The following HIVEP2 variants were observed in gnomAD, a reference collection of about 807,000 sequenced individuals.
HIVEP2 encodes HIVEP zinc finger 2, also known as transcription factor HIVEP2.
A neutral mutation model predicts 180.7 loss-of-function variants in HIVEP2; 14 were observed. The ratio of observed to expected loss-of-function variants is 0.08; its 90% CI spans 0.05 to 0.12. The LOEUF (loss-of-function observed/expected upper bound fraction) is 0.12. Ranked by LOEUF, HIVEP2 falls within the 10% of genes least tolerant of loss-of-function variation. The probability of loss-of-function intolerance (pLI) is 1.00; values close to 1 mark genes in which losing one functional copy is unlikely to be tolerated. For synonymous variants in HIVEP2, 1,184 were observed against 1,136.4 expected, an observed-to-expected ratio of 1.04 and a Z score of -0.84; for missense variants, 2,579 against 3,008.5, an observed-to-expected ratio of 0.86 and a Z score of 3.34.
chr6:142,888,107 T>C (rs1375943624), intron 1 of HIVEP2, among the ~76,000 whole-genome samples: 1 of 152,258 alleles, frequency 6.6e-6, no homozygotes, highest in Non-Finnish European at 1.5e-5. Context: ...ACATCCCTAG[T>C]TCACTATCCT....
At chr6:142,890,774 T>A (rs1776838124) in intron 1 of HIVEP2, among the ~76,000 whole-genome samples, 1 of 152,210 alleles carries the variant, frequency 6.6e-6, no homozygotes, top group Non-Finnish European at 1.5e-5. Context: ...AAAAAACACT[T>A]AAATCTCTAT....
intron 1 of HIVEP2, among the ~76,000 whole-genome samples, chr6:142,922,127 G>A (rs972529900): frequency 6.6e-5 from 10 of 151,958 alleles, no homozygotes; most frequent in Non-Finnish European, 7.4e-5. Flanking sequence ...TCTCCCACTT[G>A]TCCTTTAAAC....
At chr6:142,884,628 A>G (rs980154029) in intron 1 of HIVEP2, among the ~76,000 whole-genome samples, 3 of 152,172 alleles carry the variant, frequency 2.0e-5, no homozygotes, top group African/African-American at 7.2e-5. Context: ...CAAACAAAGT[A>G]GCATAGGGTA....
At position 142,773,823 on chromosome 6, in the gene HIVEP2, C is replaced by T. The variant is rs766319052; in HGVS notation, c.916G>A (p.Ala306Thr). Reference sequence around the variant, plus strand: ...GACCCATGATAGCCGCCTCTGCTGGCAATGTCCAGTGGGATGGGTGGACCA... The same window carrying T: ...GACCCATGATAGCCGCCTCTGCTGGTAATGTCCAGTGGGATGGGTGGACCA... The part of the protein sequence containing the change: ...SPGPPIPLDI[A>T]SRGGYHGSLE... The change falls in exon 5 of 10, where the codon GCC becomes ACC. Residue 306 changes from alanine to threonine, a missense_variant. Around this residue, in one of 11 missense-constraint regions of HIVEP2, gnomAD observed 142 missense variants for 135.2 expected, o/e 1.05. Coordinates refer to ENST00000367603, the MANE Select transcript of HIVEP2 (RefSeq NM_006734.4). 11 of 1,613,808 alleles carry T rather than the reference C, an allele frequency of 6.8e-6. No individual in the cohort carries two copies. Among genetic ancestry groups the T allele is most frequent in the Middle Eastern group, 1.6e-4 (1 of 6,062 alleles).
Position 142,819,187 on chromosome 6 carries a change from T to C in HIVEP2, c.-528+17748A>G, listed in dbSNP as rs1001218480. On this transcript the variant is annotated intron_variant, in intron 2 of 9. Coordinates refer to ENST00000367603, the MANE Select transcript of HIVEP2 (RefSeq NM_006734.4). The stretch of plus-strand genomic sequence containing the variant: ...ATGCAATGAGCTATGATCACTCCAC[T>C]GCTCTTCAGGCTGGGCAACAGAGTG... Among the ~76,000 whole-genome samples, 8 of 152,180 alleles carry C rather than the reference T, an allele frequency of 5.3e-5. No individual in the cohort carries two copies. The East Asian group carries it at 1.5e-3, about 29-fold the overall frequency.
chr6:142,944,391 C>A (rs1387579077), intron 1 of HIVEP2, among the ~76,000 whole-genome samples: 1 of 146,682 alleles, frequency 6.8e-6, no homozygotes, highest in African/African-American at 2.7e-5. Flanking sequence ...ACGACAGACC[C>A]CACACATGCA....
intron 2 of HIVEP2, among the ~76,000 whole-genome samples, chr6:142,818,087 T>C (rs1160048244): frequency 1.3e-5 from 2 of 152,106 alleles, no homozygotes; most frequent in African/African-American, 4.8e-5. Flanking sequence ...CATGTATTAT[T>C]TGCCAGACAC....
chr6:142,752,970 T>A lies in HIVEP2; in HGVS notation c.*137A>T. On this transcript the variant is annotated 3_prime_UTR_variant, in exon 10 of 10. Coordinates refer to ENST00000367603, the MANE Select transcript of HIVEP2 (RefSeq NM_006734.4). ...TTGTTAATTTACCTAATTCTTTTGATATAACAAAAGTATATATAATAGCAA... is the reference window on the plus strand; with the variant it reads ...TTGTTAATTTACCTAATTCTTTTGAAATAACAAAAGTATATATAATAGCAA... 1.6e-6 allele frequency: 1 copy of A among 622,788 alleles called. No homozygotes were observed. The highest frequency in any genetic ancestry group is 2.8e-6 in the Non-Finnish European group (1 of 352,188). 38.6% of individuals were successfully genotyped at this position (622,788 alleles called of 1,614,324 possible).
rs371220575 is a variant in HIVEP2 at position 142,772,161 on chromosome 6, C to A, written c.2578G>T (p.Gly860Trp). ...TGCTGAGATGGAGAGGGTTTCCCCC[C>A]ACTTTCTGCACCATCCCCAGGTGGA... ...WAPPGDGAES[G>W]GKPSPSQQVQ... The change falls in exon 5 of 10, where the codon GGG becomes TGG. Residue 860 changes from glycine to tryptophan, a missense_variant. Coordinates refer to ENST00000367603, the MANE Select transcript of HIVEP2 (RefSeq NM_006734.4). The surrounding 1 kb of genome is among the most constrained non-coding windows in gnomAD (Gnocchi z 4.9). 23 of 1,614,080 alleles carry A rather than the reference C, an allele frequency of 1.4e-5. No individual in the cohort carries two copies. The East Asian group carries it at 3.6e-4, about 25-fold the overall frequency.
chr6:142,865,274 T>C (rs1776110517), intron 1 of HIVEP2, among the ~76,000 whole-genome samples: 1 of 152,178 alleles, frequency 6.6e-6, no homozygotes, highest in Admixed American at 6.6e-5. Flanking sequence ...GTGCTTCTAA[T>C]TGCTTATTCA....
At chr6:142,887,951 C>T (rs1229333103) in intron 1 of HIVEP2, among the ~76,000 whole-genome samples, 5 of 118,152 alleles carry the variant, frequency 4.2e-5, no homozygotes, top group East Asian at 2.3e-4. Context: ...TAGCAAAGGG[C>T]GATGCAGCAA....
intron 2 of HIVEP2, among the ~76,000 whole-genome samples, chr6:142,821,422 G>A (rs1030787661): frequency 6.6e-6 from 1 of 152,208 alleles, no homozygotes; most frequent in African/African-American, 2.4e-5. Context: ...CATGGACCAT[G>A]GAGCCAGAAT....
At position 142,876,856 on chromosome 6, in the gene HIVEP2, T is replaced by TCACACA. The variant is rs10548517; in HGVS notation, c.-640-39815_-640-39810dup. ...TGGGCAACGTGGCCAAATCCCATCT[T>TCACACA]CACACACACACACACACACACACAC... On this transcript the variant is annotated intron_variant, in intron 1 of 9. Coordinates refer to ENST00000367603, the MANE Select transcript of HIVEP2 (RefSeq NM_006734.4). 1.4e-3 allele frequency among the ~76,000 whole-genome samples: 213 copies of TCACACA among 149,728 alleles called. 1 individual carries two copies. The highest frequency in any genetic ancestry group is 0.012 in the South Asian group (55 of 4,706).
rs1427753553 is a variant in HIVEP2, at chr6:142,759,808, C to G, written c.6480G>C (p.Gln2160His). 6.8e-6 allele frequency: 11 copies of G among 1,609,408 alleles called. No homozygotes were observed. Among genetic ancestry groups the G allele is most frequent in the Non-Finnish European group, 9.3e-6 (11 of 1,178,168 alleles). Residue 2160 changes from glutamine (Q) to histidine (H), a missense_variant, in exon 9 of 10, where the codon CAG (glutamine) becomes CAC (histidine). By Grantham distance (24) the Gln-to-His change is conservative. Coordinates refer to ENST00000367603, the MANE Select transcript of HIVEP2 (RefSeq NM_006734.4). ...LYHNPPLSMGQYLQAEPIVLG... is the reference protein window; with the variant it reads ...LYHNPPLSMGHYLQAEPIVLG... The stretch of plus-strand genomic sequence containing the variant: ...ATACAATTGGCTCTGCTTGCAAATA[C>G]TGTCCCATGGACAATGGTGGGTTAT...
intron 2 of HIVEP2, among the ~76,000 whole-genome samples, chr6:142,792,029 T>C (rs1214730305): frequency 6.6e-6 from 1 of 152,154 alleles, no homozygotes; most frequent in African/African-American, 2.4e-5. Context: ...GTGAGGTTAT[T>C]ATCGTGACAT....
intron 2 of HIVEP2, among the ~76,000 whole-genome samples, chr6:142,833,165 A>T (rs1260821549): frequency 6.6e-6 from 1 of 152,144 alleles, no homozygotes; most frequent in Non-Finnish European, 1.5e-5. Flanking sequence ...TAAGCAAATT[A>T]CTCAACTAAA....
chr6:142,787,096 T>C (rs967781263), intron 2 of HIVEP2, among the ~76,000 whole-genome samples: 8 of 150,978 alleles, frequency 5.3e-5, no homozygotes, highest in Admixed American at 1.3e-4. Context: ...CCTATCTCTA[T>C]AAAAAAAAAT....
At chr6:142,817,732 T>C (rs1009687451) in intron 2 of HIVEP2, among the ~76,000 whole-genome samples, 1 of 152,080 alleles carries the variant, frequency 6.6e-6, no homozygotes, top group African/African-American at 2.4e-5. Flanking sequence ...TTAAAGTAGA[T>C]CTTGGCTGGG....
chr6:142,767,553 G>A (rs1775406730), intron 6 of HIVEP2, among the ~76,000 whole-genome samples: 1 of 152,194 alleles, frequency 6.6e-6, no homozygotes. Flanking sequence ...TAATAGATTT[G>A]TTGTAGAGAT....
Sources: gnomAD v4.1 joint callset for allele counts (sites outside exome capture counted in the v4.1 genomes callset) on GRCh38, gnomAD v4.1.1 for gene constraint, gnomAD v4.1.1 regional missense constraint, Gnocchi (gnomAD v3.1) non-coding constraint, MANE v1.5 for transcripts, NCBI Gene and HGNC (gene_info 2026-07-23, HGNC 2026-07-21) for gene names.